Variants in ADGRA2 observed in about 807,000 individuals in gnomAD.
The protein encoded by ADGRA2 is adhesion G protein-coupled receptor A2, also known as G-protein coupled receptor 124.
Under a neutral mutation model 98.7 loss-of-function variants are expected in ADGRA2, and 61 were observed. The observed-to-expected ratio is 0.62, with a 90% CI of 0.50 to 0.76. The LOEUF (loss-of-function observed/expected upper bound fraction) is 0.76. Ranked by LOEUF, ADGRA2 falls within the 30% of genes least tolerant of loss-of-function variation. The pLI is 0.00. For missense variants in ADGRA2, 1,712 were observed against 1,860.0 expected, an observed-to-expected ratio of 0.92 and a Z score of 1.46; for synonymous variants, 858 against 831.5, an observed-to-expected ratio of 1.03 and a Z score of -0.55.
At position 37,830,810 on chromosome 8, in the gene ADGRA2, G is replaced by T; in HGVS notation, c.819G>T (p.Leu273=). The change falls in exon 7 of 19, where the codon CTG becomes CTT. Residue 273 remains leucine (L), a synonymous_variant. Transcript: ENST00000412232. The surrounding 1 kb of genome is among the most constrained non-coding windows in gnomAD (Gnocchi z 4.8). ...CCTTCCAGTGCTCTGCCAGCTACCT[G>T]GGCAACGACACCCGCATCCGCTGGT... ...RLPFQCSASY[L]GNDTRIRWYH... 6.3e-7 allele frequency: 1 copy of T among 1,592,172 alleles called. No individual in the cohort carries two copies.
In ADGRA2 at chr8:37,819,019, G is replaced by A. The variant is rs865812823; in HGVS notation, c.338+4052G>A. On this transcript the variant is annotated intron_variant, in intron 2 of 18. Coordinates refer to ENST00000412232, the MANE Select transcript of ADGRA2 (RefSeq NM_032777.10). ...GAAGGGCAGTGTGAGCTGGCAAAGC[G>A]AGCCAGGGGGAGGTGGCAGGAGACA... Among the ~76,000 whole-genome samples, 4 of 152,210 alleles carry A rather than the reference G, an allele frequency of 2.6e-5. No individual in the cohort carries two copies. In the South Asian group the frequency reaches 6.2e-4, roughly 24 times the overall value.
Position 37,834,737 on chromosome 8 carries a change from C to A in ADGRA2, c.1609-437C>A, listed in dbSNP as rs1045728285. 5.9e-5 allele frequency among the ~76,000 whole-genome samples: 9 copies of A among 151,988 alleles called. No homozygotes were observed. The highest frequency in any genetic ancestry group is 2.9e-5 in the Non-Finnish European group (2 of 67,982). The stretch of plus-strand genomic sequence containing the variant: ...AGAGACCTGGTCTCCACAAAAAATA[C>A]AAAAATTACCCAGGAGTGTTGGCAT... On this transcript the variant is annotated intron_variant, in intron 11 of 18. Coordinates refer to ENST00000412232, the MANE Select transcript of ADGRA2 (RefSeq NM_032777.10). The surrounding 1 kb of genome is among the most constrained non-coding windows in gnomAD (Gnocchi z 4.2).
chr8:37,839,845 T>G (rs1048117304), intron 16 of ADGRA2, among the ~76,000 whole-genome samples: 15 of 151,222 alleles, frequency 9.9e-5, no homozygotes, highest in Non-Finnish European at 2.2e-4. Flanking sequence ...GGCTTCAAAG[T>G]GGAAATGGAG....
Position 37,835,721 on chromosome 8 carries a change from G to C in ADGRA2, c.2001G>C (p.Gly667=), listed in dbSNP as rs748707787. Residue 667 remains glycine (G), a synonymous_variant, in exon 13 of 19, where the codon GGG becomes GGC. Transcript: ENST00000412232. The stretch of plus-strand genomic sequence containing the variant: ...ACACCTCCCGCCCTGGAGCTGCTGG[G>C]CCTGGCAAGAGGCGTGGCGTGGCCA... ...HSNTSRPGAA[G]PGKRRGVATP... is the part of the protein sequence containing the mutation. 6.2e-7 allele frequency: 1 copy of C among 1,613,904 alleles called. No homozygotes were observed. Among genetic ancestry groups the C allele is most frequent in the East Asian group, 2.2e-5 (1 of 44,876 alleles).
At position 37,802,797 on chromosome 8, in the gene ADGRA2, C is replaced by G. The variant is rs1804546217; in HGVS notation, c.266+5263C>G. Among the ~76,000 whole-genome samples, 1 of 152,180 alleles carries G rather than the reference C, an allele frequency of 6.6e-6. No individual in the cohort carries two copies. Among genetic ancestry groups the G allele is most frequent in the Non-Finnish European group, 1.5e-5 (1 of 68,024 alleles). The stretch of plus-strand genomic sequence containing the variant: ...TCAGGGTCCCATCCTAGGGAGAGCC[C>G]TGGGCAGAGCTCAGAGCTCTCTGGG... On this transcript the variant is annotated intron_variant, in intron 1 of 18. Coordinates refer to ENST00000412232, the MANE Select transcript of ADGRA2 (RefSeq NM_032777.10). This position sits in a 1 kb window ranked among gnomAD's most constrained non-coding sequence, Gnocchi z 4.7.
chr8:37,833,145 A>G lies in ADGRA2; in HGVS notation c.1233A>G (p.Pro411=). The change falls in exon 9 of 19, where the codon CCA becomes CCG. Residue 411 remains proline (P), a synonymous_variant. Transcript: ENST00000412232. ...RRCDRAGRWE[P]GDYSHCLYTN... is the part of the protein sequence containing the mutation. ...GTGACCGTGCCGGCCGCTGGGAGCC[A>G]GGGGACTACTCCCACTGTCTCTACA... 1.2e-6 allele frequency: 2 copies of G among 1,613,086 alleles called. No homozygotes were observed. The highest frequency in any genetic ancestry group is 2.2e-5 in the East Asian group (1 of 44,864).
chr8:37,842,715 C>T lies in ADGRA2; in HGVS notation c.*360C>T, dbSNP rs1423303612. 1.4e-5 allele frequency: 3 copies of T among 217,444 alleles called. No individual in the cohort carries two copies. Among genetic ancestry groups the T allele is most frequent in the Non-Finnish European group, 1.8e-5 (2 of 111,320 alleles). The allele number at this position is 217,444 out of a possible 1,614,324, so 13.5% of individuals were successfully genotyped here. ...ATGCGGCCTCACTGGGGGCCATCAG[C>T]CTCACCAGCAAAGCAGAGATGAGAG... is the stretch of plus-strand genomic sequence containing the variant. On this transcript the variant is annotated 3_prime_UTR_variant, in exon 19 of 19. Coordinates refer to ENST00000412232, the MANE Select transcript of ADGRA2 (RefSeq NM_032777.10).
chr8:37,830,705 C>T lies in ADGRA2; in HGVS notation c.719-5C>T. The T allele has an allele frequency of 6.3e-7, 1 of 1,594,888 alleles. No individual in the cohort carries two copies. Among genetic ancestry groups the T allele is most frequent in the Non-Finnish European group, 8.5e-7 (1 of 1,170,994 alleles). On this transcript the variant is annotated splice_polypyrimidine_tract_variant and splice_region_variant and intron_variant, in intron 6 of 18. Transcript: ENST00000412232. The surrounding 1 kb of genome is among the most constrained non-coding windows in gnomAD (Gnocchi z 4.8). ...GGGCCTCACGCCTGGTGTCTCCTCC[C>T]ACAGAGGGGGCCCTGGAGCTGCACA... is the stretch of plus-strand genomic sequence containing the variant.
Position 37,842,574 on chromosome 8 carries a change from G to A in ADGRA2, c.*219G>A. On this transcript the variant is annotated 3_prime_UTR_variant, in exon 19 of 19. Transcript: ENST00000412232. ...CGCATAATACATTTCCGTCCAGCCC[G>A]GGGCAGTCTGACTGTCGGTGCCCTC... 1 of 762,416 alleles carries A rather than the reference G, an allele frequency of 1.3e-6. No individual in the cohort carries two copies. Among genetic ancestry groups the A allele is most frequent in the Non-Finnish European group, 1.8e-6 (1 of 545,694 alleles). 47.2% of individuals were successfully genotyped at this position (762,416 alleles called of 1,614,324 possible).
Position 37,843,311 on chromosome 8 carries a change from C to T in ADGRA2, c.*956C>T, listed in dbSNP as rs1033151490. 2 of 152,238 alleles carry T rather than the reference C, an allele frequency of 1.3e-5. No individual in the cohort carries two copies. The highest frequency in any genetic ancestry group is 2.9e-5 in the Non-Finnish European group (2 of 68,048). The allele number at this position is 152,238 out of a possible 1,614,324, so 9.4% of individuals were successfully genotyped here. On this transcript the variant is annotated 3_prime_UTR_variant, in exon 19 of 19. Transcript: ENST00000412232. Reference sequence around the variant, plus strand: ...GGACTAAGGAAGAGCACTTCCTTGCCTCCGTAAGGCCAGAGGAAGAACCAT... The same window carrying T: ...GGACTAAGGAAGAGCACTTCCTTGCTTCCGTAAGGCCAGAGGAAGAACCAT...
chr8:37,800,987 A>G (rs907288115), intron 1 of ADGRA2, among the ~76,000 whole-genome samples: 3 of 151,956 alleles, frequency 2.0e-5, no homozygotes, highest in African/African-American at 4.8e-5. Flanking sequence ...CGGGGCACTC[A>G]GGATTGATCC....
At position 37,840,071 on chromosome 8, in the gene ADGRA2, G is replaced by C. The variant is rs80188663; in HGVS notation, c.2512-50G>C. ...ACCAGCAGGACTGAAGCTCTGGGAG[G>C]GTCCAGTCGTAGTCCCCAGGTCCCC... On this transcript the variant is annotated intron_variant, in intron 16 of 18. Transcript: ENST00000412232. 4,093 of 1,495,818 alleles carry C rather than the reference G, an allele frequency of 2.7e-3. 92 individuals are homozygous for C. In the African/African-American group the frequency reaches 0.051, roughly 19 times the overall value. The allele number at this position is 1,495,818 out of a possible 1,614,324, so 92.7% of individuals were successfully genotyped here.
intron 14 of ADGRA2, 99 bp from the exon 15 acceptor site, chr8:37,838,857 G>A (rs1374601591): frequency 2.1e-6 from 3 of 1,411,118 alleles, no homozygotes; most frequent in Non-Finnish European, 2.9e-6. Flanking sequence ...GCACCAAAGT[G>A]CAGGACCAAG....
chr8:37,822,408 C>CAG (rs1342234336), intron 2 of ADGRA2, among the ~76,000 whole-genome samples: 1 of 130,314 alleles, frequency 7.7e-6, no homozygotes, highest in East Asian at 2.0e-4. Flanking sequence ...CACACACACA[C>CAG]AGTCACATGC....
chr8:37,824,303 A>G (rs1805207095), intron 2 of ADGRA2, among the ~76,000 whole-genome samples: 1 of 151,722 alleles, frequency 6.6e-6, no homozygotes, highest in South Asian at 2.1e-4. Context: ...TGCTGGGATT[A>G]CATGCATGAG....
intron 1 of ADGRA2, among the ~76,000 whole-genome samples, chr8:37,798,806 G>T (rs954965430): frequency 6.6e-6 from 1 of 152,246 alleles, no homozygotes; most frequent in Non-Finnish European, 1.5e-5. Flanking sequence ...CTGGCCGCCC[G>T]GCCTGCATTT....
chr8:37,819,844 T>G (rs1383121952), intron 2 of ADGRA2, among the ~76,000 whole-genome samples: 1 of 151,974 alleles, frequency 6.6e-6, no homozygotes, highest in Non-Finnish European at 1.5e-5. Flanking sequence ...CTAATTTTTG[T>G]ATTTTTAGTA....
intron 2 of ADGRA2, among the ~76,000 whole-genome samples, chr8:37,824,021 AT>A (rs1805197469): frequency 6.6e-6 from 1 of 151,244 alleles, no homozygotes; most frequent in Non-Finnish European, 1.5e-5. Flanking sequence ...TCTTGATGAT[AT>A]CCTTTAAGAT....
intron 1 of ADGRA2, among the ~76,000 whole-genome samples, chr8:37,798,325 G>T (rs930208323): frequency 6.6e-6 from 1 of 152,232 alleles, no homozygotes; most frequent in African/African-American, 2.4e-5. Context: ...GGGGAAGCGG[G>T]GTTCCCTCAC....
Sources: allele counts gnomAD v4.1 joint callset (sites outside exome capture counted in the v4.1 genomes callset), GRCh38; gene constraint gnomAD v4.1.1; non-coding constraint Gnocchi (gnomAD v3.1); transcripts MANE v1.5; gene names NCBI Gene and HGNC (gene_info 2026-07-23, HGNC 2026-07-21).